SEC63: variants seen among roughly 807,000 people sequenced by gnomAD.
The protein encoded by SEC63 is translocation protein SEC63 homolog.
A neutral mutation model predicts 116.2 loss-of-function variants in SEC63; 56 were observed. That is an observed-to-expected ratio of 0.48 (90% CI 0.39 to 0.60). The LOEUF (loss-of-function observed/expected upper bound fraction) is 0.60. Among genes scored for constraint, SEC63 ranks in the 20% least tolerant of loss-of-function variants. The pLI is 0.00. For missense variants in SEC63, 668 were observed against 900.0 expected (o/e 0.74, Z 3.30); for synonymous variants, 273 against 294.6 (o/e 0.93, Z 0.75).
chr6:107,882,104 C>A (rs887763460), intron 17 of SEC63, among the ~76,000 whole-genome samples: 2 of 152,196 alleles, frequency 1.3e-5, no homozygotes, highest in Admixed American at 1.3e-4. Flanking sequence ...CAAGGCCCTG[C>A]AAATGCTAAC....
chr6:107,885,006 ACATTTCCT>A (rs1336164813), intron 16 of SEC63, among the ~76,000 whole-genome samples: 1 of 152,166 alleles, frequency 6.6e-6, no homozygotes, highest in Non-Finnish European at 1.5e-5. Context: ...ATAAAAGGAA[ACATTTCCT>A]TAACCGGACA....
At chr6:107,951,703 G>C (rs1770582248) in intron 1 of SEC63, among the ~76,000 whole-genome samples, 1 of 151,814 alleles carries the variant, frequency 6.6e-6, no homozygotes, top group Admixed American at 6.6e-5. Context: ...CCCGAAGTGG[G>C]CCGGGCGCGG....
intron 16 of SEC63, among the ~76,000 whole-genome samples, chr6:107,885,646 C>T (rs1047280040): frequency 6.6e-6 from 1 of 152,058 alleles, no homozygotes; most frequent in African/African-American, 2.4e-5. Flanking sequence ...AATTGTTAAG[C>T]TTATTCTAAA....
At chr6:107,926,869 G>C (rs1214690443) in intron 2 of SEC63, among the ~76,000 whole-genome samples, 2 of 152,152 alleles carry the variant, frequency 1.3e-5, no homozygotes, top group African/African-American at 4.8e-5. Context: ...GCTCATAACA[G>C]AATCCAAAGG....
At chr6:107,936,953 T>C (rs557598745) in intron 1 of SEC63, among the ~76,000 whole-genome samples, 148 of 152,330 alleles carry the variant, frequency 9.7e-4, no homozygotes, top group Non-Finnish European at 2.0e-3. Flanking sequence ...ACTATGTCCA[T>C]GTGTGCCCAA....
chr6:107,955,364 T>A (rs1040307574), intron 1 of SEC63, among the ~76,000 whole-genome samples: 14 of 150,988 alleles, frequency 9.3e-5, no homozygotes, highest in African/African-American at 3.2e-4. Context: ...GGTTTCACCA[T>A]GTTGGCCAGG....
intron 10 of SEC63, 118 bp downstream of exon 10, chr6:107,906,330 C>T (rs1210481586): frequency 1.7e-5 from 19 of 1,118,028 alleles, no homozygotes; most frequent in Non-Finnish European, 2.3e-5. Context: ...TATATATTAC[C>T]CAGCCTCAGG....
chr6:107,873,582 C>A (rs986482661), intron 19 of SEC63, among the ~76,000 whole-genome samples: 9 of 151,386 alleles, frequency 5.9e-5, no homozygotes, highest in African/African-American at 2.2e-4. Context: ...ATCTTTTTTT[C>A]TTAAATTAAT....
intron 14 of SEC63, among the ~76,000 whole-genome samples, chr6:107,896,221 T>A (rs1786814009): frequency 6.6e-6 from 1 of 152,080 alleles, no homozygotes; most frequent in Non-Finnish European, 1.5e-5. Context: ...CCCAGCACGT[T>A]GGGAGACCAA....
chr6:107,879,457 G>A (rs1199406297), intron 18 of SEC63, among the ~76,000 whole-genome samples: 9 of 152,190 alleles, frequency 5.9e-5, no homozygotes, highest in African/African-American at 2.2e-4. Flanking sequence ...CTCCTGAGTG[G>A]TGGGATTACA....
intron 8 of SEC63, among the ~76,000 whole-genome samples, chr6:107,907,075 C>G (rs2114450931): frequency 6.6e-6 from 1 of 152,222 alleles, no homozygotes; most frequent in Non-Finnish European, 1.5e-5. Context: ...TTCTATAGAA[C>G]ATCAGTATTC....
chr6:107,931,329 T>C (rs1394518219), intron 1 of SEC63, among the ~76,000 whole-genome samples: 2 of 149,728 alleles, frequency 1.3e-5, no homozygotes, highest in African/African-American at 4.9e-5. Context: ...GAAACAAGAA[T>C]GAAACTCCAT....
chr6:107,918,132 C>G (rs1787456746), intron 4 of SEC63, among the ~76,000 whole-genome samples: 1 of 151,904 alleles, frequency 6.6e-6, no homozygotes, highest in Non-Finnish European at 1.5e-5. Flanking sequence ...CTCTTAAGAT[C>G]TATGCTAAAT....
At chr6:107,917,597 C>T (rs748433858) in intron 4 of SEC63, among the ~76,000 whole-genome samples, 1 of 152,212 alleles carries the variant, frequency 6.6e-6, no homozygotes, top group African/African-American at 2.4e-5. Context: ...GAATTCAGAG[C>T]AACAGCGCTT....
At chr6:107,943,510 T>C (rs1770419113) in intron 1 of SEC63, among the ~76,000 whole-genome samples, 3 of 152,154 alleles carry the variant, frequency 2.0e-5, no homozygotes, top group Admixed American at 6.5e-5. Context: ...TTCCAATATA[T>C]TTACTGAAAA....
chr6:107,897,596 A>C (rs1267572848), intron 14 of SEC63, 53 bp downstream of exon 14: 14 of 1,224,998 alleles, frequency 1.1e-5, no homozygotes, highest in Non-Finnish European at 1.7e-5. Flanking sequence ...AAATAAATAT[A>C]AAAGCCTTGA....
At chr6:107,904,062 G>A (rs559733765) in intron 11 of SEC63, among the ~76,000 whole-genome samples, 59 of 148,514 alleles carry the variant, frequency 4.0e-4, no homozygotes, top group Non-Finnish European at 7.6e-4. Context: ...AGGTTGCAGT[G>A]AGCCAAGATC....
At chr6:107,895,403 T>C (rs985090770) in intron 14 of SEC63, among the ~76,000 whole-genome samples, 1 of 152,096 alleles carries the variant, frequency 6.6e-6, no homozygotes. Flanking sequence ...ATTCAATATA[T>C]CCTACTACAA....
intron 1 of SEC63, among the ~76,000 whole-genome samples, chr6:107,933,983 G>A (rs1214331952): frequency 2.6e-5 from 4 of 152,222 alleles, no homozygotes; most frequent in African/African-American, 9.6e-5. Context: ...TCGGCCTCCC[G>A]AGGTGCCGGG....
Sources: gnomAD v4.1 joint callset for allele counts (sites outside exome capture counted in the v4.1 genomes callset) on GRCh38, gnomAD v4.1.1 for gene constraint, MANE v1.5 for transcripts, NCBI Gene and HGNC (gene_info 2026-07-23, HGNC 2026-07-21) for gene names.